Variants in DNAJC16 observed in about 807,000 individuals in gnomAD.
The protein encoded by DNAJC16 is DnaJ heat shock protein family (Hsp40) member C16.
DNAJC16 carries 76 observed loss-of-function variants against 92.7 expected under a neutral mutation model. That is an observed-to-expected ratio of 0.82 (90% CI 0.68 to 0.99). The LOEUF (loss-of-function observed/expected upper bound fraction) is 0.99. Among genes scored for constraint, DNAJC16 ranks in the 50% least tolerant of loss-of-function variants. The probability of loss-of-function intolerance (pLI) is 0.00; values close to 1 mark genes in which losing one functional copy is unlikely to be tolerated. For missense variants in DNAJC16, 869 were observed against 942.4 expected (o/e 0.92, Z 1.02); for synonymous variants, 328 against 358.7 (o/e 0.91, Z 0.97).
Position 15,569,043 on chromosome 1 carries a change from TTGTTCTCTGAACGTAGAGA to T in DNAJC16, c.*868_*886del, listed in dbSNP as rs1638884989. On this transcript the variant is annotated 3_prime_UTR_variant, in exon 15 of 15. Coordinates refer to ENST00000375847, the MANE Select transcript of DNAJC16 (RefSeq NM_015291.4). ...ATATTAGGAGCCATAACTTGTAATC[TTGTTCTCTGAACGTAGAGA>T]TAAGCTGCTATAAAGCCAGTAGATG... is the stretch of plus-strand genomic sequence containing the variant. The T allele has an allele frequency of 4.7e-6, 1 of 215,002 alleles. No homozygotes were observed. 13.3% of individuals were successfully genotyped at this position (215,002 alleles called of 1,614,324 possible). A position where few individuals can be genotyped will look rare whatever the true frequency, so the allele number is the denominator to read the frequency against.
At position 15,566,173 on chromosome 1, in the gene DNAJC16, A is replaced by T. The variant is rs201044416; in HGVS notation, c.1771A>T (p.Asn591Tyr). The change falls in exon 13 of 15, where the codon AAC becomes TAC. Residue 591 changes from asparagine (N) to tyrosine (Y), a missense_variant. Transcript: ENST00000375847. ...GKTEPSFTKE[N>Y]SSKIPKKGFV... ...AACTGAGCCAAGCTTCACCAAAGAA[A>T]ACAGCAGGTTTCTCTAACAAAACAC... The T allele has an allele frequency of 1.2e-6, 2 of 1,613,776 alleles. No individual in the cohort carries two copies. Among genetic ancestry groups the T allele is most frequent in the East Asian group, 2.2e-5 (1 of 44,864 alleles).
chr1:15,567,724 G>A, intron 14 of DNAJC16, 54 bp from the exon 15 acceptor site: 1 of 1,531,734 alleles, frequency 6.5e-7, no homozygotes, highest in Non-Finnish European at 8.8e-7. Flanking sequence ...TATTTTCTCA[G>A]CAATTAAATG....
At chr1:15,558,941 G>GGTTTT (rs1347189060) in intron 7 of DNAJC16, among the ~76,000 whole-genome samples, 3 of 151,978 alleles carry the variant, frequency 2.0e-5, no homozygotes, top group Non-Finnish European at 4.4e-5. Flanking sequence ...TTTTGTGTTT[G>GGTTTT]GTTTTGTTTT....
intron 5 of DNAJC16, 82 bp downstream of exon 5, chr1:15,544,665 T>C: frequency 7.2e-7 from 1 of 1,390,782 alleles, no homozygotes. Context: ...ACATTTTCTG[T>C]AGTCCTCTCA....
intron 1 of DNAJC16, 150 bp from the exon 2 acceptor site, chr1:15,528,938 T>G: frequency 1.9e-6 from 1 of 537,174 alleles, no homozygotes; most frequent in Non-Finnish European, 3.1e-6. Flanking sequence ...AGATTTTTAT[T>G]TTAAGATACA....
Position 15,568,024 on chromosome 1 carries a change from C to T in DNAJC16, c.2196C>T (p.Ser732=). ...AIGSCSDVDS[S]LYLGESRGKP... ...GGTCGTGCAGTGATGTTGACTCTTC[C>T]CTCTACCTGGGTGAATCTCGAGGGA... The change falls in exon 15 of 15, where the codon TCC becomes TCT. Residue 732 remains serine (S), a synonymous_variant. Coordinates refer to ENST00000375847, the MANE Select transcript of DNAJC16 (RefSeq NM_015291.4). 6.2e-7 allele frequency: 1 copy of T among 1,614,186 alleles called. No homozygotes were observed. Among genetic ancestry groups the T allele is most frequent in the Admixed American group, 1.7e-5 (1 of 60,022 alleles).
chr1:15,567,881 TATG>T lies in DNAJC16; in HGVS notation c.2056_2058del (p.Asp686del). The T allele has an allele frequency of 6.2e-7, 1 of 1,614,184 alleles. No homozygotes were observed. The highest frequency in any genetic ancestry group is 8.5e-7 in the Non-Finnish European group (1 of 1,180,026). On this transcript the variant is annotated inframe_deletion, in exon 15 of 15. Coordinates refer to ENST00000375847, the MANE Select transcript of DNAJC16 (RefSeq NM_015291.4). ...AGATGCAGCTCCAATCCCAAACCAA[TATG>T]ATAAGCATTTCATGGAGCGTGACTA...
At position 15,562,321 on chromosome 1, in the gene DNAJC16, C is replaced by T. The variant is rs1557587165; in HGVS notation, c.1334C>T (p.Ser445Leu). The T allele has an allele frequency of 1.2e-6, 2 of 1,612,462 alleles. No homozygotes were observed. Among genetic ancestry groups the T allele is most frequent in the Non-Finnish European group, 1.7e-6 (2 of 1,178,872 alleles). The change falls in exon 9 of 15, where the codon TCA (serine) becomes TTA (leucine). Residue 445 changes from serine to leucine, a missense_variant. Transcript: ENST00000375847. ...LPDSEAFQGK[S>L]AVSILERRNT... ...GACAGTGAGGCGTTTCAAGGGAAATCAGCGGTAAGCCACAGAGTCTCTCCT... is the reference window on the plus strand; with the variant it reads ...GACAGTGAGGCGTTTCAAGGGAAATTAGCGGTAAGCCACAGAGTCTCTCCT...
chr1:15,534,086 C>T, intron 2 of DNAJC16, 151 bp from the exon 3 acceptor site: 1 of 708,468 alleles, frequency 1.4e-6, no homozygotes, highest in Non-Finnish European at 2.3e-6. Context: ...TCATGTAAAA[C>T]AACTGATTGC....
chr1:15,530,675 G>A (rs1002438333), intron 2 of DNAJC16, among the ~76,000 whole-genome samples: 1 of 152,180 alleles, frequency 6.6e-6, no homozygotes, highest in African/African-American at 2.4e-5. Context: ...ATGAGCCTAT[G>A]AAGGAGGATA....
chr1:15,547,426 A>C (rs111964041), intron 6 of DNAJC16, among the ~76,000 whole-genome samples: 1 of 147,512 alleles, frequency 6.8e-6, no homozygotes, highest in Non-Finnish European at 1.5e-5. Context: ...GATTACAGGC[A>C]TGAGCCACTG....
Position 15,562,281 on chromosome 1 carries a change from G to A in DNAJC16, c.1294G>A (p.Asp432Asn), listed in dbSNP as rs758357402. Residue 432 changes from aspartate (D) to asparagine (N), a missense_variant, in exon 9 of 15, where the codon GAC becomes AAC. Asp to Asn is a conservative substitution (Grantham distance 23, BLOSUM62 1). Coordinates refer to ENST00000375847, the MANE Select transcript of DNAJC16 (RefSeq NM_015291.4). ...CAGCAATCGGCAGCAGGAGTTTGCC[G>A]ACACCTTACTACCAGACAGTGAGGC... is the stretch of plus-strand genomic sequence containing the variant. Reference protein sequence around the residue: ...VYSNRQQEFADTLLPDSEAFQ... With the variant: ...VYSNRQQEFANTLLPDSEAFQ... The A allele has an allele frequency of 9.9e-6, 16 of 1,613,846 alleles. No individual in the cohort carries two copies. Among genetic ancestry groups the A allele is most frequent in the African/African-American group, 2.7e-5 (2 of 74,916 alleles).
Position 15,567,200 on chromosome 1 carries a change from T to G in DNAJC16, c.1880T>G (p.Leu627Arg), listed in dbSNP as rs1346952017. The part of the protein sequence containing the change: ...RLRPGHMNVV[L>R]ILSNSTKTSL... ...AGGCCAGGCCACATGAATGTGGTCC[T>G]CATCCTGTCGAATTCTACCAAGACC... Residue 627 changes from leucine to arginine, a missense_variant, in exon 14 of 15, where the codon CTC becomes CGC. Physicochemically the swap from Leu to Arg is moderately radical, Grantham distance 102. Coordinates refer to ENST00000375847, the MANE Select transcript of DNAJC16 (RefSeq NM_015291.4). The G allele has an allele frequency of 3.7e-6, 6 of 1,614,178 alleles. No homozygotes were observed. The highest frequency in any genetic ancestry group is 5.1e-6 in the Non-Finnish European group (6 of 1,179,986).
At chr1:15,567,060 A>G (rs1253460727) in intron 13 of DNAJC16, 39 bp from the exon 14 acceptor site, 6 of 1,585,940 alleles carry the variant, frequency 3.8e-6, no homozygotes, top group Non-Finnish European at 4.3e-6. Context: ...CTTTCCCCCT[A>G]TCCTGACAGC....
intron 7 of DNAJC16, among the ~76,000 whole-genome samples, chr1:15,549,465 A>T (rs1638390816): frequency 1.3e-5 from 2 of 152,118 alleles, no homozygotes; most frequent in Admixed American, 1.3e-4. Flanking sequence ...TCAGTTTCTG[A>T]GGTTTCAGTT....
chr1:15,540,197 G>A (rs1326214879), intron 4 of DNAJC16, among the ~76,000 whole-genome samples: 1 of 152,058 alleles, frequency 6.6e-6, no homozygotes, highest in Non-Finnish European at 1.5e-5. Context: ...ATGGTGGTGT[G>A]TGCCTGTAAT....
In DNAJC16 at chr1:15,564,031, T is replaced by A. The variant is rs768023691; in HGVS notation, c.1441T>A (p.Tyr481Asn). 1 of 1,613,870 alleles carries A rather than the reference T, an allele frequency of 6.2e-7. No individual in the cohort carries two copies. The change falls in exon 10 of 15, where the codon TAT (tyrosine) becomes AAT (asparagine). Residue 481 changes from tyrosine to asparagine, a missense_variant. Physicochemically the swap from Tyr to Asn is moderately radical, Grantham distance 143. Coordinates refer to ENST00000375847, the MANE Select transcript of DNAJC16 (RefSeq NM_015291.4). The part of the protein sequence containing the change: ...SESDKFILLG[Y>N]LDQLRKDPAL... ...GAGTGACAAATTTATCCTCTTGGGCTATCTCGACCAGCTGCGTAAAGATCC... is the reference window on the plus strand; with the variant it reads ...GAGTGACAAATTTATCCTCTTGGGCAATCTCGACCAGCTGCGTAAAGATCC...
At chr1:15,527,211 C>T (rs1251600391) in intron 1 of DNAJC16, among the ~76,000 whole-genome samples, 1 of 152,134 alleles carries the variant, frequency 6.6e-6, no homozygotes, top group Non-Finnish European at 1.5e-5. Context: ...TCTTCCTGGT[C>T]CTGGATATGC....
rs1570936648 is a variant in DNAJC16, at chr1:15,570,370, G to A, written c.*2193G>A. On this transcript the variant is annotated 3_prime_UTR_variant, in exon 15 of 15. Transcript: ENST00000375847. The stretch of plus-strand genomic sequence containing the variant: ...TCTGAAAACCAAAAACTCTCCAAGT[G>A]TATTTATTTATATTTTTTTTAATAG... 6.6e-6 allele frequency: 1 copy of A among 151,974 alleles called. No homozygotes were observed. The highest frequency in any genetic ancestry group is 2.4e-5 in the African/African-American group (1 of 41,368). 9.4% of individuals were successfully genotyped at this position (151,974 alleles called of 1,614,324 possible). A position where few individuals can be genotyped will look rare whatever the true frequency, so the allele number is the denominator to read the frequency against.
Sources: gnomAD v4.1 joint callset for allele counts (sites outside exome capture counted in the v4.1 genomes callset) on GRCh38, gnomAD v4.1.1 for gene constraint, MANE v1.5 for transcripts, NCBI Gene and HGNC (gene_info 2026-07-23, HGNC 2026-07-21) for gene names.